CNIH4: variants seen among roughly 807,000 people sequenced by gnomAD.
CNIH4 encodes the protein cornichon family member 4.
In CNIH4, 9 loss-of-function variants were observed where a neutral mutation model predicts 21.5. That is an observed-to-expected ratio of 0.42 (90% CI 0.25 to 0.73). CNIH4 has a LOEUF of 0.73. Among genes scored for constraint, CNIH4 ranks in the 30% least tolerant of loss-of-function variants. The probability of loss-of-function intolerance (pLI) is 0.27; values close to 1 mark genes in which losing one functional copy is unlikely to be tolerated. For missense variants in CNIH4, 159 were observed against 170.0 expected, an observed-to-expected ratio of 0.94 and a Z score of 0.36; for synonymous variants, 67 against 59.1, an observed-to-expected ratio of 1.13 and a Z score of -0.61.
At chr1:224,360,429 C>A in intron 1 of CNIH4, 66 bp from the exon 2 acceptor site, 1 of 815,782 alleles carries the variant, frequency 1.2e-6, no homozygotes, top group Non-Finnish European at 1.8e-6. Flanking sequence ...ACTGGGATTG[C>A]TTTCTGAAAC....
At chr1:224,374,950 A>T (rs1228496498) in intron 4 of CNIH4, among the ~76,000 whole-genome samples, 1 of 152,166 alleles carries the variant, frequency 6.6e-6, no homozygotes, top group Non-Finnish European at 1.5e-5. Flanking sequence ...ATGTAAGGAT[A>T]TTTTTGTGTA....
rs1469067555 is a variant in CNIH4 at position 224,377,963 on chromosome 1, G to C, written c.*2141G>C. 1.3e-5 allele frequency: 2 copies of C among 152,146 alleles called. No homozygotes were observed. Among genetic ancestry groups the C allele is most frequent in the African/African-American group, 2.4e-5 (1 of 41,444 alleles). The allele number at this position is 152,146 out of a possible 1,614,324, so 9.4% of individuals were successfully genotyped here. A position where few individuals can be genotyped will look rare whatever the true frequency, so the allele number is the denominator to read the frequency against. ...ACAGAGGTCAAAGCTCCTTACTTCT[G>C]AAACATTAGCTGTGGTTAAAAACAA... is the stretch of plus-strand genomic sequence containing the variant. On this transcript the variant is annotated 3_prime_UTR_variant, in exon 5 of 5. Coordinates refer to ENST00000465271, the MANE Select transcript of CNIH4 (RefSeq NM_014184.4).
In CNIH4 at chr1:224,379,121, A is replaced by T; in HGVS notation, c.*3299A>T. ...GTAACCTCGGCTGAGAAAGAAGAGG[A>T]AGCGAAATCCAAGATGCAGCTCAGT... On this transcript the variant is annotated 3_prime_UTR_variant, in exon 5 of 5. Coordinates refer to ENST00000465271, the MANE Select transcript of CNIH4 (RefSeq NM_014184.4). 1 of 1,550,230 alleles carries T rather than the reference A, an allele frequency of 6.5e-7. No individual in the cohort carries two copies. Among genetic ancestry groups the T allele is most frequent in the Non-Finnish European group, 8.7e-7 (1 of 1,146,688 alleles).
intron 2 of CNIH4, 105 bp downstream of exon 2, chr1:224,360,668 G>A (rs937277855): frequency 2.2e-5 from 11 of 505,702 alleles, no homozygotes; most frequent in South Asian, 1.9e-4. Context: ...AGTACATGTT[G>A]TCTCTTATTC....
intron 1 of CNIH4, among the ~76,000 whole-genome samples, chr1:224,357,810 G>T (rs1182701889): frequency 6.6e-6 from 1 of 152,154 alleles, no homozygotes; most frequent in African/African-American, 2.4e-5. Flanking sequence ...GCAATAAATG[G>T]TGGTTGAATT....
chr1:224,376,393 C>T lies in CNIH4; in HGVS notation c.*571C>T. The T allele has an allele frequency of 1.0e-6, 1 of 985,302 alleles. No homozygotes were observed. The allele number at this position is 985,302 out of a possible 1,614,324, so 61.0% of individuals were successfully genotyped here. A position where few individuals can be genotyped will look rare whatever the true frequency, so the allele number is the denominator to read the frequency against. ...TATTTCTTTGCACAATTTGTGAAAC[C>T]TTATAAGCCATTTTCCCCAGGTACA... On this transcript the variant is annotated 3_prime_UTR_variant, in exon 5 of 5. Coordinates refer to ENST00000465271, the MANE Select transcript of CNIH4 (RefSeq NM_014184.4).
At position 224,379,300 on chromosome 1, in the gene CNIH4, C is replaced by T. The variant is rs766598599; in HGVS notation, c.*3478C>T. 6.7e-6 allele frequency: 4 copies of T among 596,830 alleles called. No individual in the cohort carries two copies. Among genetic ancestry groups the T allele is most frequent in the Non-Finnish European group, 1.2e-5 (4 of 334,246 alleles). The allele number at this position is 596,830 out of a possible 1,614,324, so 37.0% of individuals were successfully genotyped here. A position where few individuals can be genotyped will look rare whatever the true frequency, so the allele number is the denominator to read the frequency against. ...ACTTACCACATTCTATCTGGTATTA[C>T]AGTTATTTGTATGCAATTAATCACT... On this transcript the variant is annotated 3_prime_UTR_variant, in exon 5 of 5. Transcript: ENST00000465271.
chr1:224,375,849 G>A lies in CNIH4; in HGVS notation c.*27G>A, dbSNP rs80047032. 4.0e-5 allele frequency: 64 copies of A among 1,613,978 alleles called. No homozygotes were observed. In the East Asian group the frequency reaches 1.4e-3, roughly 35 times the overall value. On this transcript the variant is annotated 3_prime_UTR_variant, in exon 5 of 5. Transcript: ENST00000465271. The stretch of plus-strand genomic sequence containing the variant: ...GCTGGAGAAGCCGTGGTTGAAGTCA[G>A]CCTACACTACAGTGCACAGTTGAGG...
intron 1 of CNIH4, 143 bp from the exon 2 acceptor site, chr1:224,360,352 G>A (rs1055833060): frequency 6.8e-6 from 3 of 438,274 alleles, no homozygotes; most frequent in African/African-American, 6.2e-5. Flanking sequence ...GGAAAATTGA[G>A]TTGTCTAATG....
chr1:224,375,517 GTTGT>G (rs1672756459), intron 4 of CNIH4, among the ~76,000 whole-genome samples: 2 of 152,006 alleles, frequency 1.3e-5, no homozygotes, highest in African/African-American at 2.4e-5. Context: ...ACTGAGCTAG[GTTGT>G]TTTTGTTTTG....
rs1572121241 is a variant in CNIH4 at position 224,362,515 on chromosome 1, A to C, written c.138+1952A>C. Among the ~76,000 whole-genome samples the C allele has an allele frequency of 5.3e-5, 6 of 114,012 alleles. No homozygotes were observed. The South Asian group carries it at 1.7e-3, about 32-fold the overall frequency. 74.8% of individuals were successfully genotyped at this position (114,012 alleles called of 152,430 possible). Reference sequence around the variant, plus strand: ...TTTTTTTTTTTTTTTTTTGAGACGGAGTCTTGCTCTGTGGCCCAGACTAGA... The same window carrying C: ...TTTTTTTTTTTTTTTTTTGAGACGGCGTCTTGCTCTGTGGCCCAGACTAGA... On this transcript the variant is annotated intron_variant, in intron 2 of 4. Transcript: ENST00000465271.
In CNIH4 at chr1:224,376,104, T is replaced by C. The variant is rs1248212525; in HGVS notation, c.*282T>C. ...GGTTATTTGTATGTAGGAACAGGACTGCCATCCCAGCTTTGCATGCCAAAG... is the reference window on the plus strand; with the variant it reads ...GGTTATTTGTATGTAGGAACAGGACCGCCATCCCAGCTTTGCATGCCAAAG... On this transcript the variant is annotated 3_prime_UTR_variant, in exon 5 of 5. Coordinates refer to ENST00000465271, the MANE Select transcript of CNIH4 (RefSeq NM_014184.4). 3.5e-6 allele frequency: 4 copies of C among 1,142,318 alleles called. No individual in the cohort carries two copies. The highest frequency in any genetic ancestry group is 4.3e-6 in the Non-Finnish European group (4 of 930,116). 70.8% of individuals were successfully genotyped at this position (1,142,318 alleles called of 1,614,324 possible).
rs1672798595 is a variant in CNIH4 at position 224,376,977 on chromosome 1, A to G, written c.*1155A>G. The G allele has an allele frequency of 1.1e-6, 1 of 924,168 alleles. No individual in the cohort carries two copies. Among genetic ancestry groups the G allele is most frequent in the Non-Finnish European group, 1.3e-6 (1 of 774,080 alleles). 57.2% of individuals were successfully genotyped at this position (924,168 alleles called of 1,614,324 possible). On this transcript the variant is annotated 3_prime_UTR_variant, in exon 5 of 5. Transcript: ENST00000465271. ...GTGGGAGAATCCAAAGGCATTATTC[A>G]CTCTAGTTGAGATAGAATTGGGTGG...
Position 224,377,236 on chromosome 1 carries a change from T to C in CNIH4, c.*1414T>C, listed in dbSNP as rs183046111. 1 of 152,360 alleles carries C rather than the reference T, an allele frequency of 6.6e-6. No individual in the cohort carries two copies. Among genetic ancestry groups the C allele is most frequent in the African/African-American group, 2.4e-5 (1 of 41,580 alleles). The allele number at this position is 152,360 out of a possible 1,614,324, so 9.4% of individuals were successfully genotyped here. On this transcript the variant is annotated 3_prime_UTR_variant, in exon 5 of 5. Coordinates refer to ENST00000465271, the MANE Select transcript of CNIH4 (RefSeq NM_014184.4). ...TTGGGGTCACAGAAATTGCTCCTTG[T>C]GGTAATCTTATATTTCTGTCAGGCA...
intron 4 of CNIH4, among the ~76,000 whole-genome samples, 167 bp from the exon 5 acceptor site, chr1:224,375,628 T>G (rs993262282): frequency 6.6e-6 from 1 of 152,176 alleles, no homozygotes; most frequent in Non-Finnish European, 1.5e-5. Context: ...GTGAAAAAGT[T>G]TGGACATGAA....
chr1:224,358,856 G>A (rs1672191657), intron 1 of CNIH4, among the ~76,000 whole-genome samples: 1 of 152,120 alleles, frequency 6.6e-6, no homozygotes, highest in African/African-American at 2.4e-5. Context: ...ACATTCGGGG[G>A]GTGTTTTGAT....
intron 2 of CNIH4, among the ~76,000 whole-genome samples, chr1:224,362,761 T>G (rs1245819894): frequency 6.6e-6 from 1 of 152,214 alleles, no homozygotes; most frequent in African/African-American, 2.4e-5. Flanking sequence ...ATTACAGGCA[T>G]GAGCCACTGT....
At chr1:224,362,381 T>TTC (rs139040394) in intron 2 of CNIH4, among the ~76,000 whole-genome samples, 17,152 of 149,656 alleles carry the variant, frequency 0.11, 1,277 homozygotes, top group Middle Eastern at 0.17. Flanking sequence ...CTCATTCTCA[T>TTC]TCTCTCTCTC....
rs1672681733 is a variant in CNIH4, at chr1:224,373,190, A to C, written c.392+1767A>C. 3.3e-5 allele frequency among the ~76,000 whole-genome samples: 5 copies of C among 152,372 alleles called. No individual in the cohort carries two copies. In the South Asian group the frequency reaches 1.0e-3, roughly 32 times the overall value. On this transcript the variant is annotated intron_variant, in intron 4 of 4. Transcript: ENST00000465271. ...CAAAGATGATGAATAAGGAGCAAAA[A>C]AAGTTAATGATGAGAACATAATGAT...
Sources: gnomAD v4.1 joint callset for allele counts (sites outside exome capture counted in the v4.1 genomes callset) on GRCh38, gnomAD v4.1.1 for gene constraint, MANE v1.5 for transcripts, NCBI Gene and HGNC (gene_info 2026-07-23, HGNC 2026-07-21) for gene names.